Variants in APBB3 observed in about 807,000 individuals in gnomAD.
APBB3 encodes amyloid-beta A4 precursor protein-binding family B member 3.
A neutral mutation model predicts 61.5 loss-of-function variants in APBB3; 50 were observed. The ratio of observed to expected loss-of-function variants is 0.81; its 90% CI spans 0.65 to 1.03. The LOEUF (loss-of-function observed/expected upper bound fraction) is 1.03, where lower values mean the gene tolerates loss of function less well. Among genes scored for constraint, APBB3 ranks in the 50% least tolerant of loss-of-function variants. The pLI is 0.00. For synonymous variants in APBB3, 235 were observed against 233.0 expected, an observed-to-expected ratio of 1.01 and a Z score of -0.08; for missense variants, 550 against 637.4, an observed-to-expected ratio of 0.86 and a Z score of 1.48.
intron 12 of APBB3, among the ~76,000 whole-genome samples, 200 bp from the exon 13 acceptor site, chr5:140,559,021 C>G (rs1754831291): frequency 6.6e-6 from 1 of 152,166 alleles, no homozygotes; most frequent in Non-Finnish European, 1.5e-5. Context: ...GGAGGGCAGG[C>G]TGGACACTGC....
At chr5:140,561,722 G>A (rs749250621) in intron 7 of APBB3, 21 bp from the exon 8 acceptor site, 2 of 1,614,194 alleles carry the variant, frequency 1.2e-6, no homozygotes, top group South Asian at 1.1e-5. Flanking sequence ...CAGAGATGGG[G>A]CTGGGGTAGA....
rs1009757381 is a variant in APBB3 at position 140,564,010 on chromosome 5, C to G, written c.50-95G>C. 2.0e-6 allele frequency: 3 copies of G among 1,521,002 alleles called. No homozygotes were observed. The highest frequency in any genetic ancestry group is 2.7e-6 in the Non-Finnish European group (3 of 1,125,652). 94.2% of individuals were successfully genotyped at this position (1,521,002 alleles called of 1,614,324 possible). A position where few individuals can be genotyped will look rare whatever the true frequency, so the allele number is the denominator to read the frequency against. Reference sequence around the variant, plus strand: ...TCCCCTCTCCATCCCCAAAATGGGTCAGTTCTTAGGCTGAAGATCCAGGCT... The same window carrying G: ...TCCCCTCTCCATCCCCAAAATGGGTGAGTTCTTAGGCTGAAGATCCAGGCT... On this transcript the variant is annotated intron_variant, in intron 1 of 12. Coordinates refer to ENST00000357560, the MANE Select transcript of APBB3 (RefSeq NM_133173.3). The surrounding 1 kb of genome is among the most constrained non-coding windows in gnomAD (Gnocchi z 5.0).
At chr5:140,561,995 T>C in intron 6 of APBB3, 105 bp downstream of exon 6, 3 of 1,612,310 alleles carry the variant, frequency 1.9e-6, no homozygotes, top group Non-Finnish European at 2.5e-6. Context: ...CATCAGAGGA[T>C]CTGTGTCCAG....
rs1007694574 is a variant in APBB3, at chr5:140,560,373, T to C, written c.1164A>G (p.Ala388=). The change falls in exon 12 of 13, where the codon GCA becomes GCG. Residue 388 remains alanine, a synonymous_variant. Coordinates refer to ENST00000357560, the MANE Select transcript of APBB3 (RefSeq NM_133173.3). This position sits in a 1 kb window ranked among gnomAD's most constrained non-coding sequence, Gnocchi z 5.1. The part of the protein sequence containing the change: ...ADLGRQSFQC[A]AFWCQPHAGG... Reference sequence around the variant, plus strand: ...CTGCATGGGGCTGGCACCAGAAGGCTGCGCACTGGAAGCTCTGACGGCCCA... The same window carrying C: ...CTGCATGGGGCTGGCACCAGAAGGCCGCGCACTGGAAGCTCTGACGGCCCA... 13 of 1,614,130 alleles carry C rather than the reference T, an allele frequency of 8.1e-6. No individual in the cohort carries two copies. The highest frequency in any genetic ancestry group is 1.1e-5 in the Non-Finnish European group (13 of 1,180,042).
intron 3 of APBB3, among the ~76,000 whole-genome samples, chr5:140,563,062 T>A (rs188587692): frequency 3.3e-5 from 5 of 152,174 alleles, no homozygotes; most frequent in Non-Finnish European, 7.4e-5. Context: ...CTGGCCAACA[T>A]GGTGAAACCC....
At chr5:140,563,712 C>T in intron 2 of APBB3, 40 bp downstream of exon 2, 1 of 1,614,034 alleles carries the variant, frequency 6.2e-7, no homozygotes, top group South Asian at 1.1e-5. Flanking sequence ...AGACCTAGGT[C>T]CACACATGGG....
chr5:140,561,145 C>T, intron 9 of APBB3, 44 bp from the exon 10 acceptor site: 3 of 1,607,156 alleles, frequency 1.9e-6, no homozygotes, highest in Non-Finnish European at 2.6e-6. Flanking sequence ...CTTTCAATTA[C>T]CCTTTTCCCC....
In APBB3 at chr5:140,560,208, G is replaced by T; in HGVS notation, c.1224+105C>A. Reference sequence around the variant, plus strand: ...CCAAAACATTAATGAACCAGAATCAGCCCAGGTTTGTGATCTCTGAAGAGG... The same window carrying T: ...CCAAAACATTAATGAACCAGAATCATCCCAGGTTTGTGATCTCTGAAGAGG... On this transcript the variant is annotated intron_variant, in intron 12 of 12. Coordinates refer to ENST00000357560, the MANE Select transcript of APBB3 (RefSeq NM_133173.3). This position sits in a 1 kb window ranked among gnomAD's most constrained non-coding sequence, Gnocchi z 5.1. 7.8e-7 allele frequency: 1 copy of T among 1,284,916 alleles called. No individual in the cohort carries two copies. The allele number at this position is 1,284,916 out of a possible 1,614,324, so 79.6% of individuals were successfully genotyped here. A position where few individuals can be genotyped will look rare whatever the true frequency, so the allele number is the denominator to read the frequency against.
chr5:140,560,680 G>A lies in APBB3; in HGVS notation c.991C>T (p.Leu331Phe), dbSNP rs770156763. ...GDRNAWVPTM[L>F]SVSDSLMTAH... is the part of the protein sequence containing the mutation. ...GTCATGAGAGAGTCAGACACACTGA[G>A]CATGGTGGGGACCCAGGCATTCCGG... The change falls in exon 11 of 13, where the codon CTC (leucine) becomes TTC (phenylalanine). Residue 331 changes from leucine to phenylalanine, a missense_variant. Physicochemically the swap from Leu to Phe is conservative, Grantham distance 22. Transcript: ENST00000357560. The surrounding 1 kb of genome is among the most constrained non-coding windows in gnomAD (Gnocchi z 5.1). The A allele has an allele frequency of 3.1e-6, 5 of 1,614,206 alleles. No homozygotes were observed. The highest frequency in any genetic ancestry group is 3.3e-5 in the Admixed American group (2 of 60,026).
Position 140,564,360 on chromosome 5 carries a change from C to G in APBB3, c.-115G>C, listed in dbSNP as rs929562113. 20 of 1,325,992 alleles carry G rather than the reference C, an allele frequency of 1.5e-5. No individual in the cohort carries two copies. Among genetic ancestry groups the G allele is most frequent in the East Asian group, 2.4e-5 (1 of 40,908 alleles). 82.1% of individuals were successfully genotyped at this position (1,325,992 alleles called of 1,614,324 possible). A position where few individuals can be genotyped will look rare whatever the true frequency, so the allele number is the denominator to read the frequency against. ...TCTGCGCCGCAGGCTGCGGGGCCAG[C>G]TGGCGCCGCACAAATACGGGGCGGG... is the stretch of plus-strand genomic sequence containing the variant. On this transcript the variant is annotated 5_prime_UTR_variant, in exon 1 of 13. Transcript: ENST00000357560. The surrounding 1 kb of genome is among the most constrained non-coding windows in gnomAD (Gnocchi z 5.0).
rs540205104 is a variant in APBB3 at position 140,560,566 on chromosome 5, C to T, written c.1033-62G>A. 3.7e-4 allele frequency: 586 copies of T among 1,605,472 alleles called. No homozygotes were observed. The highest frequency in any genetic ancestry group is 4.6e-4 in the Non-Finnish European group (545 of 1,174,080). On this transcript the variant is annotated intron_variant, in intron 11 of 12. Coordinates refer to ENST00000357560, the MANE Select transcript of APBB3 (RefSeq NM_133173.3). The surrounding 1 kb of genome is among the most constrained non-coding windows in gnomAD (Gnocchi z 5.1). ...ACGGGCCAGACCCACTTAACTTTTCCGACAGCAAGCAGTGACCCCTCAGCA... is the reference window on the plus strand; with the variant it reads ...ACGGGCCAGACCCACTTAACTTTTCTGACAGCAAGCAGTGACCCCTCAGCA...
chr5:140,562,007 G>C, intron 6 of APBB3, 93 bp downstream of exon 6: 1 of 1,612,670 alleles, frequency 6.2e-7, no homozygotes, highest in Non-Finnish European at 8.5e-7. Context: ...TGTGTCCAGG[G>C]GTTCAAGTAC....
chr5:140,561,400 G>A lies in APBB3; in HGVS notation c.797C>T (p.Pro266Leu). ...EVSGDASCCS[P>L]DPISPEDLPR... ...CAGGTCTTCAGGAGAGATGGGGTCT[G>A]GGGAGCAGCAAGAGGCATCACCACT... is the stretch of plus-strand genomic sequence containing the variant. Residue 266 changes from proline (P) to leucine (L), a missense_variant, in exon 9 of 13, where the codon CCA becomes CTA. Pro to Leu is a moderately conservative substitution (Grantham distance 98). Transcript: ENST00000357560. The A allele has an allele frequency of 6.2e-7, 1 of 1,614,220 alleles. No homozygotes were observed. Among genetic ancestry groups the A allele is most frequent in the Non-Finnish European group, 8.5e-7 (1 of 1,180,048 alleles).
rs374713952 is a variant in APBB3, at chr5:140,558,309, A to C, written c.*276T>G. 65 of 511,852 alleles carry C rather than the reference A, an allele frequency of 1.3e-4. No homozygotes were observed. Among genetic ancestry groups the C allele is most frequent in the East Asian group, 1.1e-3 (30 of 26,558 alleles). 31.7% of individuals were successfully genotyped at this position (511,852 alleles called of 1,614,324 possible). A position where few individuals can be genotyped will look rare whatever the true frequency, so the allele number is the denominator to read the frequency against. On this transcript the variant is annotated 3_prime_UTR_variant, in exon 13 of 13. Transcript: ENST00000357560. ...TTTTTATTTGCACTGATTTTGCTAT[A>C]AAGTGTTACTGAGGTAGAGCCAACT... is the stretch of plus-strand genomic sequence containing the variant.
At position 140,564,166 on chromosome 5, in the gene APBB3, T is replaced by C. The variant is rs960522253; in HGVS notation, c.49+31A>G. The C allele has an allele frequency of 6.2e-7, 1 of 1,613,936 alleles. No individual in the cohort carries two copies. The highest frequency in any genetic ancestry group is 8.5e-7 in the Non-Finnish European group (1 of 1,179,918). On this transcript the variant is annotated intron_variant, in intron 1 of 12. Coordinates refer to ENST00000357560, the MANE Select transcript of APBB3 (RefSeq NM_133173.3). This position sits in a 1 kb window ranked among gnomAD's most constrained non-coding sequence, Gnocchi z 5.0. ...GATTCCCTCGTCCTCCCTCAGCTCC[T>C]GGTCTTCCCACCGGGCCCCTCCGTG...
chr5:140,558,396 CG>C lies in APBB3; in HGVS notation c.*188del. On this transcript the variant is annotated 3_prime_UTR_variant, in exon 13 of 13. Coordinates refer to ENST00000357560, the MANE Select transcript of APBB3 (RefSeq NM_133173.3). ...CAAGGAAAGGGGAGCCAGGGTCCTA[CG>C]TTGTGGTGCAGTGCCTCCCAGTCAT... 1.4e-6 allele frequency: 1 copy of C among 715,890 alleles called. No homozygotes were observed. The highest frequency in any genetic ancestry group is 2.5e-5 in the East Asian group (1 of 40,174). The allele number at this position is 715,890 out of a possible 1,614,324, so 44.3% of individuals were successfully genotyped here.
intron 3 of APBB3, chr5:140,563,331 G>C: frequency 1.9e-6 from 1 of 539,962 alleles, no homozygotes; most frequent in Non-Finnish European, 3.3e-6. Flanking sequence ...CCCTAGAACA[G>C]AGGACTTAAT....
rs548169457 is a variant in APBB3 at position 140,558,692 on chromosome 5, G to A, written c.1354C>T (p.Leu452=). Residue 452 remains leucine, a synonymous_variant, in exon 13 of 13, where the codon CTG becomes TTG. Transcript: ENST00000357560. ...DSPGGPLPLP[L]LKGGVGGAGA... ...GCACCGCCAACCCCTCCTTTGAGCAGGGGGAGGGGCAGGGGACCTCCTGGG... is the reference window on the plus strand; with the variant it reads ...GCACCGCCAACCCCTCCTTTGAGCAAGGGGAGGGGCAGGGGACCTCCTGGG... 1 of 1,612,088 alleles carries A rather than the reference G, an allele frequency of 6.2e-7. No homozygotes were observed. Among genetic ancestry groups the A allele is most frequent in the African/African-American group, 1.3e-5 (1 of 74,784 alleles).
At position 140,562,344 on chromosome 5, in the gene APBB3, C is replaced by A. The variant is rs1754999613; in HGVS notation, c.498+9G>T. 5.6e-6 allele frequency: 9 copies of A among 1,613,348 alleles called. No individual in the cohort carries two copies. Among genetic ancestry groups the A allele is most frequent in the Non-Finnish European group, 7.6e-6 (9 of 1,179,682 alleles). ...GGGCCCAAACCATTAAAGGGCCCAGCCAACTCACCTCACCCCAGGCACCAT... is the reference window on the plus strand; with the variant it reads ...GGGCCCAAACCATTAAAGGGCCCAGACAACTCACCTCACCCCAGGCACCAT... On this transcript the variant is annotated intron_variant, in intron 5 of 12. Transcript: ENST00000357560.
Sources: gnomAD v4.1 joint callset for allele counts (sites outside exome capture counted in the v4.1 genomes callset) on GRCh38, gnomAD v4.1.1 for gene constraint, Gnocchi (gnomAD v3.1) non-coding constraint, MANE v1.5 for transcripts, NCBI Gene and HGNC (gene_info 2026-07-23, HGNC 2026-07-21) for gene names.